The following AMACR variants were observed in gnomAD, a reference collection of about 807,000 sequenced individuals.
AMACR encodes alpha-methylacyl-CoA racemase, also known as 2-methylacyl-CoA racemase.
Under a neutral mutation model 22.2 loss-of-function variants are expected in AMACR, and 18 were observed. The ratio of observed to expected loss-of-function variants is 0.81; its 90% CI spans 0.56 to 1.20. The LOEUF (loss-of-function observed/expected upper bound fraction) is 1.20. AMACR is among the 50% of genes most tolerant of loss of function. The pLI is 0.00. For synonymous variants in AMACR, 213 were observed against 191.3 expected (o/e 1.11, Z -0.94); for missense variants, 499 against 490.6 (o/e 1.02, Z -0.16).
At chr5:33,993,697 G>A (rs372859709) in intron 4 of AMACR, among the ~76,000 whole-genome samples, 202 of 152,122 alleles carry the variant, frequency 1.3e-3, no homozygotes, top group African/African-American at 4.7e-3. Context: ...TCAGGAGTTC[G>A]AGACCAGCCT....
chr5:33,999,626 T>C (rs1301694958), intron 3 of AMACR, among the ~76,000 whole-genome samples: 2 of 152,252 alleles, frequency 1.3e-5, no homozygotes, highest in African/African-American at 2.4e-5. Context: ...ATGAGCCTAA[T>C]GTCTCCAGCA....
intron 4 of AMACR, among the ~76,000 whole-genome samples, chr5:33,991,293 C>A (rs867608596): frequency 1.3e-5 from 2 of 152,134 alleles, no homozygotes; most frequent in Non-Finnish European, 2.9e-5. Flanking sequence ...CCATCCTGCC[C>A]ATGACCCTGA....
chr5:33,997,604 C>A, intron 4 of AMACR: 1 of 741,664 alleles, frequency 1.3e-6, no homozygotes, highest in Non-Finnish European at 2.5e-6. Context: ...CTCCACAGAG[C>A]TCCACCAGAG....
chr5:34,002,725 T>C (rs926794040), intron 3 of AMACR, among the ~76,000 whole-genome samples: 3 of 152,232 alleles, frequency 2.0e-5, no homozygotes, highest in African/African-American at 7.2e-5. Flanking sequence ...GGTCTTGAGT[T>C]TGGCGGGTAC....
At chr5:33,993,590 G>T (rs1753548014) in intron 4 of AMACR, among the ~76,000 whole-genome samples, 1 of 151,988 alleles carries the variant, frequency 6.6e-6, no homozygotes, top group Non-Finnish European at 1.5e-5. Flanking sequence ...TTGTTATTTT[G>T]TATTTTTTAG....
chr5:33,989,269 G>A lies in AMACR; in HGVS notation c.973C>T (p.Pro325Ser). 6.2e-7 allele frequency: 1 copy of A among 1,614,090 alleles called. No homozygotes were observed. The highest frequency in any genetic ancestry group is 8.5e-7 in the Non-Finnish European group (1 of 1,179,994). ...TTTAACAGCAGAGGTGCAGGGCGGGGGCTCACGTCCTGCTCCTCACTGGTG... is the reference window on the plus strand; with the variant it reads ...TTTAACAGCAGAGGTGCAGGGCGGGAGCTCACGTCCTGCTCCTCACTGGTG... ...FITSEEQDVS[P>S]RPAPLLLNTP... is the part of the protein sequence containing the mutation. The change falls in exon 5 of 5, where the codon CCC becomes TCC. Residue 325 changes from proline to serine, a missense_variant. Coordinates refer to ENST00000335606, the MANE Select transcript of AMACR (RefSeq NM_014324.6).
chr5:33,991,336 A>T (rs1186385045), intron 4 of AMACR, among the ~76,000 whole-genome samples: 4 of 152,176 alleles, frequency 2.6e-5, no homozygotes, highest in Non-Finnish European at 5.9e-5. Context: ...CAATGGTTTA[A>T]GGTGAGCTGT....
At chr5:33,992,779 C>G (rs1415160601) in intron 4 of AMACR, among the ~76,000 whole-genome samples, 6 of 152,110 alleles carry the variant, frequency 3.9e-5, no homozygotes, top group Middle Eastern at 3.4e-3. Flanking sequence ...AAGGCCACAT[C>G]CCATATTTTC....
intron 1 of AMACR, among the ~76,000 whole-genome samples, chr5:34,006,594 C>G (rs1032097474): frequency 6.6e-6 from 1 of 152,206 alleles, no homozygotes; most frequent in Non-Finnish European, 1.5e-5. Context: ...GTCACAACTC[C>G]TCACCCGGAG....
Position 33,998,752 on chromosome 5 carries a change from G to A in AMACR, c.628C>T (p.Gln210Ter). ...GGTGCTCCACCATCCAACATGTTCT[G>A]TCCTCGAGGTGCTTCCCACAGACTC... Reference protein sequence around the residue: ...KLSLWEAPRGQNMLDGGAPFY... With the variant: ...KLSLWEAPRG The change falls in exon 4 of 5, where the codon CAG (glutamine) becomes TAG (stop). Residue 210 changes from glutamine (Q) to a stop codon, truncating the protein, a stop_gained. Transcript: ENST00000335606. LOFTEE classifies it high-confidence loss of function. The A allele has an allele frequency of 6.2e-7, 1 of 1,614,066 alleles. No homozygotes were observed. The highest frequency in any genetic ancestry group is 8.5e-7 in the Non-Finnish European group (1 of 1,180,012).
At chr5:34,001,676 G>A (rs1161017211) in intron 3 of AMACR, among the ~76,000 whole-genome samples, 2 of 152,212 alleles carry the variant, frequency 1.3e-5, no homozygotes, top group Non-Finnish European at 2.9e-5. Context: ...CCATATTCCA[G>A]AGTTATCTTA....
At position 34,007,995 on chromosome 5, in the gene AMACR, C is replaced by T. The variant is rs3195676; in HGVS notation, c.25G>A (p.Val9Met). MALQGISV[V>M]ELSGLAPGPF... ...CCCGGGGCCAGGCCGGACAGCTCCACGACCGAGATGCCCTGCAGTGCCATG... is the reference window on the plus strand; with the variant it reads ...CCCGGGGCCAGGCCGGACAGCTCCATGACCGAGATGCCCTGCAGTGCCATG... Residue 9 changes from valine to methionine, a missense_variant, in exon 1 of 5, where the codon GTG (valine) becomes ATG (methionine). Transcript: ENST00000335606. 0.48 allele frequency: 776,620 copies of T among 1,610,698 alleles called. 198,943 individuals are homozygous for T. The highest frequency in any genetic ancestry group is 0.53 in the Non-Finnish European group (629,045 of 1,179,434).
intron 3 of AMACR, among the ~76,000 whole-genome samples, chr5:33,999,813 CTG>C (rs1753757399): frequency 6.6e-6 from 1 of 152,204 alleles, no homozygotes; most frequent in African/African-American, 2.4e-5. Context: ...GAATTTATGG[CTG>C]TGACATTTAT....
chr5:33,996,511 C>T (rs765866150), intron 4 of AMACR, among the ~76,000 whole-genome samples: 2 of 152,238 alleles, frequency 1.3e-5, no homozygotes, highest in African/African-American at 2.4e-5. Flanking sequence ...AAGGGCCAGG[C>T]GCAGTGGCTC....
chr5:33,991,954 C>G (rs1753490119), intron 4 of AMACR, among the ~76,000 whole-genome samples: 1 of 152,156 alleles, frequency 6.6e-6, no homozygotes, highest in African/African-American at 2.4e-5. Context: ...TCTCGGCTCA[C>G]TGCAACCTCC....
intron 4 of AMACR, 132 bp from the exon 5 acceptor site, chr5:33,989,634 GA>G: frequency 1.3e-6 from 1 of 768,856 alleles, no homozygotes; most frequent in Non-Finnish European, 2.1e-6. Flanking sequence ...TGAGTCAAGA[GA>G]AAAAAATGTA....
intron 4 of AMACR, among the ~76,000 whole-genome samples, chr5:33,995,686 T>C (rs1753612108): frequency 1.3e-5 from 2 of 152,166 alleles, no homozygotes; most frequent in Non-Finnish European, 2.9e-5. Flanking sequence ...AGGACTACTG[T>C]ATATGTTTTA....
rs1270668428 is a variant in AMACR at position 33,987,487 on chromosome 5, A to G, written c.*1606T>C. 6.6e-6 allele frequency: 1 copy of G among 152,264 alleles called. No homozygotes were observed. Among genetic ancestry groups the G allele is most frequent in the Non-Finnish European group, 1.5e-5 (1 of 68,044 alleles). The allele number at this position is 152,264 out of a possible 1,614,324, so 9.4% of individuals were successfully genotyped here. On this transcript the variant is annotated 3_prime_UTR_variant, in exon 5 of 5. Coordinates refer to ENST00000335606, the MANE Select transcript of AMACR (RefSeq NM_014324.6). ...TATCTCAGAATATTTAAAAATTTGA[A>G]CACACAAACACAATGAAACTCAACA... is the stretch of plus-strand genomic sequence containing the variant.
In AMACR at chr5:34,002,820, C is replaced by T. The variant is rs1579582634; in HGVS notation, c.552+1754G>A. The stretch of plus-strand genomic sequence containing the variant: ...TGGCCCACAAAAGATAAACCACACT[C>T]CCCTGCTGCTGGTACACACTTCAGA... On this transcript the variant is annotated intron_variant, in intron 3 of 4. Coordinates refer to ENST00000335606, the MANE Select transcript of AMACR (RefSeq NM_014324.6). 2.6e-5 allele frequency among the ~76,000 whole-genome samples: 4 copies of T among 152,300 alleles called. 1 individual carries two copies. Among genetic ancestry groups the T allele is most frequent in the Admixed American group, 2.6e-4 (4 of 15,300 alleles).
Sources: gnomAD v4.1 joint callset for allele counts (sites outside exome capture counted in the v4.1 genomes callset) on GRCh38, gnomAD v4.1.1 for gene constraint, MANE v1.5 for transcripts, NCBI Gene and HGNC (gene_info 2026-07-23, HGNC 2026-07-21) for gene names.